Variants in SUMF1 observed in about 807,000 individuals in gnomAD.
SUMF1 encodes sulfatase modifying factor 1.
In SUMF1, 48 loss-of-function variants were observed where a neutral mutation model predicts 47.6. That is an observed-to-expected ratio of 1.01 (90% CI 0.80 to 1.28). The LOEUF (loss-of-function observed/expected upper bound fraction) is 1.28. Ranked by LOEUF, SUMF1 falls within the 50% of genes most tolerant of loss-of-function variation. The pLI is 0.00. For missense variants in SUMF1, 571 were observed against 485.4 expected (o/e 1.18, Z -1.66); for synonymous variants, 230 against 192.1 (o/e 1.20, Z -1.63).
chr3:4,365,987 G>A (rs907590633), intron 8 of SUMF1, among the ~76,000 whole-genome samples: 1 of 151,790 alleles, frequency 6.6e-6, no homozygotes, highest in Non-Finnish European at 1.5e-5. Flanking sequence ...GCTTAGTTTG[G>A]CTGGATATGA....
At chr3:4,465,202 C>T (rs765081907) in intron 1 of SUMF1, among the ~76,000 whole-genome samples, 7 of 152,270 alleles carry the variant, frequency 4.6e-5, no homozygotes, top group South Asian at 2.1e-4. Context: ...ACTGGCTTGG[C>T]GCGGTGGCTC....
chr3:4,360,908 T>C (rs1352658002), downstream of SUMF1, among the ~76,000 whole-genome samples: 1 of 152,200 alleles, frequency 6.6e-6, no homozygotes, highest in Non-Finnish European at 1.5e-5. Context: ...AGTGAGGCAG[T>C]GCCTTTGACT....
chr3:4,078,013 A>G (rs1168301109), intron 8 of SUMF1, among the ~76,000 whole-genome samples: 1 of 152,066 alleles, frequency 6.6e-6, no homozygotes, highest in Non-Finnish European at 1.5e-5. Context: ...AAGAGGGCCC[A>G]TATTTTCACT....
At chr3:4,265,828 G>C (rs1697181995) in intron 8 of SUMF1, among the ~76,000 whole-genome samples, 1 of 152,170 alleles carries the variant, frequency 6.6e-6, no homozygotes, top group Non-Finnish European at 1.5e-5. Context: ...CAATGGTAAT[G>C]CCTAGGTTTT....
intron 7 of SUMF1, among the ~76,000 whole-genome samples, chr3:4,382,378 A>C (rs1018925067): frequency 4.0e-5 from 6 of 151,418 alleles, no homozygotes; most frequent in Admixed American, 3.9e-4. Flanking sequence ...GCCTAAATAT[A>C]ATCAAGACTT....
intron 1 of SUMF1, among the ~76,000 whole-genome samples, chr3:4,464,801 A>G (rs1000733252): frequency 1.6e-4 from 25 of 152,232 alleles, no homozygotes; most frequent in African/African-American, 6.0e-4. Context: ...CTTCAGTTTC[A>G]GTCATTAAGT....
intron 2 of SUMF1, 131 bp downstream of exon 2, chr3:4,452,745 A>G (rs1703014015): frequency 9.0e-7 from 1 of 1,114,006 alleles, no homozygotes; most frequent in African/African-American, 1.6e-5. Flanking sequence ...TGAAATATAT[A>G]CAATAAAATG....
At chr3:4,125,566 A>G (rs1472599381) in intron 8 of SUMF1, among the ~76,000 whole-genome samples, 1 of 152,228 alleles carries the variant, frequency 6.6e-6, no homozygotes, top group Non-Finnish European at 1.5e-5. Flanking sequence ...CATGAGAAAT[A>G]TTATCACATT....
At chr3:4,303,520 C>G in intron 8 of SUMF1, 1 of 1,430,078 alleles carries the variant, frequency 7.0e-7, no homozygotes, top group Non-Finnish European at 9.1e-7. Flanking sequence ...CGCCGGCGCC[C>G]TTCCAGGTAG....
At chr3:4,257,423 C>T (rs1360490863) in intron 8 of SUMF1, among the ~76,000 whole-genome samples, 1 of 147,456 alleles carries the variant, frequency 6.8e-6, no homozygotes, top group Non-Finnish European at 1.5e-5. Flanking sequence ...TCTCAGGATA[C>T]AAAATCAATG....
chr3:4,312,092 TAC>T, intron 8 of SUMF1, among the ~76,000 whole-genome samples: 1 of 152,346 alleles, frequency 6.6e-6, no homozygotes, highest in East Asian at 1.9e-4. Context: ...AGAATTTCTT[TAC>T]AAGTGTATAT....
chr3:4,248,305 T>C (rs1210829901), intron 8 of SUMF1, among the ~76,000 whole-genome samples: 5 of 152,194 alleles, frequency 3.3e-5, no homozygotes, highest in Non-Finnish European at 7.3e-5. Flanking sequence ...TTGTTTTAAC[T>C]ACAAGAACCA....
intron 8 of SUMF1, among the ~76,000 whole-genome samples, chr3:4,271,531 T>A (rs1697305010): frequency 6.6e-6 from 1 of 151,796 alleles, no homozygotes; most frequent in South Asian, 2.1e-4. Flanking sequence ...ACAGAGAGGA[T>A]CTCAACATTG....
intron 8 of SUMF1, among the ~76,000 whole-genome samples, chr3:4,355,480 T>A (rs1313650766): frequency 6.6e-6 from 1 of 152,218 alleles, no homozygotes; most frequent in Non-Finnish European, 1.5e-5. Context: ...ATTGTGGACT[T>A]TGAAAATGCA....
At position 4,263,104 on chromosome 3, in the gene SUMF1, T is replaced by A. The variant is rs141205602; in HGVS notation, c.1014+113226A>T. On this transcript the variant is annotated intron_variant and NMD_transcript_variant, in intron 8 of 12. Coordinates refer to the SUMF1 transcript ENST00000448413. Reference sequence around the variant, plus strand: ...AAAGAAAAAGAAAAGCAATGCTTAGTTCTAAATAAATGGAGATATGATCAT... The same window carrying A: ...AAAGAAAAAGAAAAGCAATGCTTAGATCTAAATAAATGGAGATATGATCAT... Among the ~76,000 whole-genome samples the A allele has an allele frequency of 1.3e-3, 200 of 152,300 alleles. 1 individual carries two copies. Among genetic ancestry groups the A allele is most frequent in the African/African-American group, 4.0e-3 (168 of 41,562 alleles).
intron 8 of SUMF1, among the ~76,000 whole-genome samples, chr3:4,264,387 A>T (rs1201400974): frequency 6.6e-6 from 1 of 152,206 alleles, no homozygotes; most frequent in Non-Finnish European, 1.5e-5. Context: ...TGCCTCTTCA[A>T]AATGTCCCAG....
intron 7 of SUMF1, among the ~76,000 whole-genome samples, chr3:4,393,114 C>T (rs956696176): frequency 5.3e-5 from 8 of 152,146 alleles, no homozygotes; most frequent in African/African-American, 1.4e-4. Context: ...CTGTTACTTG[C>T]GCGATCTCCC....
intron 8 of SUMF1, among the ~76,000 whole-genome samples, chr3:4,201,574 G>T (rs1009036703): frequency 6.6e-6 from 1 of 151,988 alleles, no homozygotes; most frequent in Non-Finnish European, 1.5e-5. Flanking sequence ...TGCAAATATT[G>T]ACAATTGTGA....
chr3:4,376,477 C>T, intron 7 of SUMF1, 88 bp from the exon 8 acceptor site: 1 of 1,367,800 alleles, frequency 7.3e-7, no homozygotes, highest in Non-Finnish European at 1.0e-6. Context: ...ATCCAACCAG[C>T]TCTCTCATGG....
Sources: allele counts gnomAD v4.1 joint callset (sites outside exome capture counted in the v4.1 genomes callset), GRCh38; gene constraint gnomAD v4.1.1; transcripts MANE v1.5; gene names NCBI Gene and HGNC (gene_info 2026-07-23, HGNC 2026-07-21).